The following GRK5 variants were observed in gnomAD, a reference collection of about 807,000 sequenced individuals.
GRK5 encodes g protein-coupled receptor kinase GRK5.
In GRK5, 40 loss-of-function variants were observed where a neutral mutation model predicts 78.4. The ratio of observed to expected loss-of-function variants is 0.51; its 90% CI spans 0.40 to 0.66. The LOEUF (loss-of-function observed/expected upper bound fraction) is 0.66, where lower values mean the gene tolerates loss of function less well. Among genes scored for constraint, GRK5 ranks in the 30% least tolerant of loss-of-function variants. The pLI is 0.00. For synonymous variants in GRK5, 289 were observed against 296.8 expected, an observed-to-expected ratio of 0.97 and a Z score of 0.27; for missense variants, 598 against 759.9, an observed-to-expected ratio of 0.79 and a Z score of 2.50.
intron 2 of GRK5, among the ~76,000 whole-genome samples, chr10:119,353,932 CTTTTTTT>C (rs761463283): frequency 9.2e-6 from 1 of 108,736 alleles, no homozygotes; most frequent in African/African-American, 3.5e-5. Flanking sequence ...TTTTTTCTTT[CTTTTTTT>C]TTTTTTTTTT....
chr10:119,433,122 G>T (rs1852852712), intron 8 of GRK5, among the ~76,000 whole-genome samples: 1 of 152,182 alleles, frequency 6.6e-6, no homozygotes, highest in Non-Finnish European at 1.5e-5. Context: ...GGCACTCCCA[G>T]AGGATGGAAG....
chr10:119,280,875 G>A (rs1342188562), intron 1 of GRK5, among the ~76,000 whole-genome samples: 1 of 151,192 alleles, frequency 6.6e-6, no homozygotes, highest in East Asian at 2.0e-4. Flanking sequence ...TGCCTCCCGG[G>A]TTCAAGCAAT....
intron 1 of GRK5, among the ~76,000 whole-genome samples, chr10:119,295,131 A>C (rs979113312): frequency 6.9e-6 from 1 of 145,538 alleles, no homozygotes; most frequent in Admixed American, 7.2e-5. Flanking sequence ...CGGAGGTTGC[A>C]GTGAGCCGAG....
rs561943686 is a variant in GRK5, at chr10:119,322,448, C to T, written c.53-4068C>T. 2.6e-4 allele frequency among the ~76,000 whole-genome samples: 40 copies of T among 152,368 alleles called. No homozygotes were observed. The South Asian group carries it at 3.9e-3, about 15-fold the overall frequency. Reference sequence around the variant, plus strand: ...AGGCCGTCGCTGGGGTTGGGAACCACTGAGGTAACGCGTTGGATGTGTCTG... The same window carrying T: ...AGGCCGTCGCTGGGGTTGGGAACCATTGAGGTAACGCGTTGGATGTGTCTG... On this transcript the variant is annotated intron_variant, in intron 1 of 15. Coordinates refer to ENST00000392870, the MANE Select transcript of GRK5 (RefSeq NM_005308.3).
intron 1 of GRK5, among the ~76,000 whole-genome samples, chr10:119,283,939 C>G (rs905674042): frequency 6.6e-6 from 1 of 152,218 alleles, no homozygotes; most frequent in Non-Finnish European, 1.5e-5. Context: ...CAACATGGAT[C>G]GAGAGCCAGG....
At chr10:119,301,749 C>CT (rs1418748218) in intron 1 of GRK5, among the ~76,000 whole-genome samples, 1 of 152,164 alleles carries the variant, frequency 6.6e-6, no homozygotes, top group Non-Finnish European at 1.5e-5. Context: ...TGGAAGTGCT[C>CT]TTTTAGCTGC....
At chr10:119,333,716 T>G (rs929397300) in intron 2 of GRK5, 2 of 524,970 alleles carry the variant, frequency 3.8e-6, no homozygotes, top group Admixed American at 3.9e-5. Flanking sequence ...AGCGAGTTCC[T>G]CTGCTTATTC....
chr10:119,362,387 G>A (rs147911447), intron 2 of GRK5, among the ~76,000 whole-genome samples: 3 of 152,342 alleles, frequency 2.0e-5, no homozygotes, highest in African/African-American at 7.2e-5. Flanking sequence ...GCAGTCTTGC[G>A]CAACTCTTCC....
intron 4 of GRK5, among the ~76,000 whole-genome samples, chr10:119,405,463 G>A (rs568481977): frequency 6.6e-6 from 1 of 152,138 alleles, no homozygotes; most frequent in Admixed American, 6.5e-5. Context: ...TCTATTCGTA[G>A]TGCTTGTTGG....
intron 1 of GRK5, among the ~76,000 whole-genome samples, chr10:119,318,092 C>T (rs1430944329): frequency 6.6e-6 from 1 of 152,102 alleles, no homozygotes; most frequent in Non-Finnish European, 1.5e-5. Context: ...AAGAAGGAAG[C>T]TCCTTCCAAC....
At chr10:119,314,015 T>C (rs1259352717) in intron 1 of GRK5, among the ~76,000 whole-genome samples, 4 of 152,160 alleles carry the variant, frequency 2.6e-5, no homozygotes, top group African/African-American at 4.8e-5. Context: ...GCCAAGACAT[T>C]TCAGACACTC....
At chr10:119,410,727 T>C (rs1313992841) in intron 4 of GRK5, among the ~76,000 whole-genome samples, 1 of 151,932 alleles carries the variant, frequency 6.6e-6, no homozygotes, top group African/African-American at 2.4e-5. Context: ...AGTGAATTCA[T>C]CCAGAGCTCT....
intron 4 of GRK5, among the ~76,000 whole-genome samples, chr10:119,410,320 C>T (rs767446469): frequency 3.3e-5 from 5 of 152,188 alleles, no homozygotes; most frequent in Non-Finnish European, 5.9e-5. Context: ...AGATATCTTC[C>T]CTCGCTTCCC....
chr10:119,310,014 G>C (rs1850333083), intron 1 of GRK5, among the ~76,000 whole-genome samples: 1 of 152,110 alleles, frequency 6.6e-6, no homozygotes, highest in East Asian at 1.9e-4. Flanking sequence ...AGCCTGGTTC[G>C]TCCTAGTGTC....
chr10:119,227,688 C>T (rs1433851553), intron 1 of GRK5, among the ~76,000 whole-genome samples: 1 of 152,130 alleles, frequency 6.6e-6, no homozygotes, highest in East Asian at 1.9e-4. Flanking sequence ...CCTGGTTAGA[C>T]AGGTAGTATG....
chr10:119,395,935 T>G lies in GRK5; in HGVS notation c.262-760T>G, dbSNP rs79625569. On this transcript the variant is annotated intron_variant, in intron 3 of 15. Transcript: ENST00000392870. Reference sequence around the variant, plus strand: ...GAGGGGTTGGGATGGCAGCCCCTGTTCTCCTGCGTCACTGCCCTGGCTCTT... The same window carrying G: ...GAGGGGTTGGGATGGCAGCCCCTGTGCTCCTGCGTCACTGCCCTGGCTCTT... Among the ~76,000 whole-genome samples the G allele has an allele frequency of 1.7e-3, 265 of 152,242 alleles. 2 individuals carry two copies. Among genetic ancestry groups the G allele is most frequent in the African/African-American group, 6.2e-3 (257 of 41,550 alleles).
intron 1 of GRK5, among the ~76,000 whole-genome samples, chr10:119,282,289 A>G (rs1849775089): frequency 6.6e-6 from 1 of 152,136 alleles, no homozygotes; most frequent in Non-Finnish European, 1.5e-5. Context: ...AGCCTGGACC[A>G]TTCTCCCAGG....
At chr10:119,394,242 G>GTCTGTGTGGGTGTA (rs1851958951) in intron 3 of GRK5, among the ~76,000 whole-genome samples, 1 of 67,106 alleles carries the variant, frequency 1.5e-5, no homozygotes, top group African/African-American at 5.6e-5. Flanking sequence ...GTGTGTGGGT[G>GTCTGTGTGGGTGTA]TCTGTGTGTG....
chr10:119,241,523 C>T (rs1418681967), intron 1 of GRK5, among the ~76,000 whole-genome samples: 1 of 152,216 alleles, frequency 6.6e-6, no homozygotes, highest in Admixed American at 6.5e-5. Context: ...GAAAATGAAG[C>T]TGGCATAGCT....
Sources: gnomAD v4.1 joint callset for allele counts (sites outside exome capture counted in the v4.1 genomes callset) on GRCh38, gnomAD v4.1.1 for gene constraint, MANE v1.5 for transcripts, NCBI Gene and HGNC (gene_info 2026-07-23, HGNC 2026-07-21) for gene names.